Variants in SLCO2A1 observed in about 807,000 individuals in gnomAD.
SLCO2A1 encodes the protein matrin F/G 1.
SLCO2A1 carries 60 observed loss-of-function variants against 71.7 expected under a neutral mutation model. That is an observed-to-expected ratio of 0.84 (90% confidence interval 0.68 to 1.04). The LOEUF (loss-of-function observed/expected upper bound fraction) is 1.04. Ranked by LOEUF, SLCO2A1 falls within the 50% of genes least tolerant of loss-of-function variation. SLCO2A1 has a pLI of 0.00. For synonymous variants in SLCO2A1, 308 were observed against 326.7 expected (o/e 0.94, Z 0.62); for missense variants, 745 against 813.4 (o/e 0.92, Z 1.02).
At chr3:133,989,264 G>A (rs1281292476) in intron 1 of SLCO2A1, among the ~76,000 whole-genome samples, 3 of 152,204 alleles carry the variant, frequency 2.0e-5, no homozygotes, top group Non-Finnish European at 4.4e-5. Context: ...ACCCTGCGGA[G>A]TTCTTTCTTG....
chr3:133,985,330 C>T (rs1023662681), intron 1 of SLCO2A1, among the ~76,000 whole-genome samples: 1 of 152,190 alleles, frequency 6.6e-6, no homozygotes, highest in Non-Finnish European at 1.5e-5. Context: ...CCTTCCCATG[C>T]TTCTTTAACT....
chr3:133,936,586 C>T (rs561696039), intron 12 of SLCO2A1, among the ~76,000 whole-genome samples: 2 of 152,260 alleles, frequency 1.3e-5, no homozygotes, highest in South Asian at 4.1e-4. Context: ...CTGTGGGTAG[C>T]GTACCACTAG....
At chr3:133,935,471 A>G (rs761425225) in intron 13 of SLCO2A1, among the ~76,000 whole-genome samples, 10 of 152,160 alleles carry the variant, frequency 6.6e-5, no homozygotes, top group Non-Finnish European at 1.2e-4. Flanking sequence ...GGCTCCAGCC[A>G]TCCCCGCCCC....
intron 7 of SLCO2A1, 75 bp from the exon 8 acceptor site, chr3:133,948,775 A>C: frequency 6.3e-7 from 1 of 1,588,658 alleles, no homozygotes; most frequent in East Asian, 2.2e-5. Flanking sequence ...GGCCAGTTAC[A>C]GGCCCTCTGC....
chr3:133,996,294 C>T (rs575589052), intron 1 of SLCO2A1, among the ~76,000 whole-genome samples: 31 of 152,344 alleles, frequency 2.0e-4, no homozygotes, highest in African/African-American at 7.0e-4. Flanking sequence ...CACACTCGGC[C>T]TTTTCAAAGC....
intron 7 of SLCO2A1, 85 bp downstream of exon 7, chr3:133,948,808 C>A: frequency 6.3e-7 from 1 of 1,590,880 alleles, no homozygotes; most frequent in South Asian, 1.1e-5. Context: ...TTACCGCACA[C>A]AACACCACAG....
chr3:133,959,290 G>T (rs146031193), intron 3 of SLCO2A1, among the ~76,000 whole-genome samples: 55 of 151,952 alleles, frequency 3.6e-4, no homozygotes, highest in African/African-American at 1.3e-3. Flanking sequence ...AACAAACCCT[G>T]TGGTCCACTG....
chr3:133,962,425 A>G (rs1450121719), intron 3 of SLCO2A1, among the ~76,000 whole-genome samples: 1 of 149,900 alleles, frequency 6.7e-6, no homozygotes, highest in Non-Finnish European at 1.5e-5. Flanking sequence ...TTATAAAAAT[A>G]AGAGGACACA....
rs1933803445 is a variant in SLCO2A1, at chr3:133,953,657, A to G, written c.724+6T>C. The G allele has an allele frequency of 3.7e-6, 6 of 1,612,068 alleles. No homozygotes were observed. The South Asian group carries it at 5.5e-5, about 15-fold the overall frequency. ...ATGGGAATGGGTGTCCTCTGCACAT[A>G]CTCACCTGTGTTGACCCTGCCATAG... On this transcript the variant is annotated splice_donor_region_variant and intron_variant, in intron 5 of 13. Coordinates refer to ENST00000310926, the MANE Select transcript of SLCO2A1 (RefSeq NM_005630.3).
chr3:134,012,490 C>T (rs1031891208), intron 1 of SLCO2A1, among the ~76,000 whole-genome samples: 8 of 152,150 alleles, frequency 5.3e-5, no homozygotes, highest in Admixed American at 2.0e-4. Flanking sequence ...AGGATTCCTG[C>T]GTCTTTGAGC....
Position 133,942,602 on chromosome 3 carries a change from C to T in SLCO2A1, c.1625+3G>A, listed in dbSNP as rs1236751672. 1 of 1,603,210 alleles carries T rather than the reference C, an allele frequency of 6.2e-7. No homozygotes were observed. Among genetic ancestry groups the T allele is most frequent in the Non-Finnish European group, 8.5e-7 (1 of 1,174,422 alleles). On this transcript the variant is annotated splice_donor_region_variant and intron_variant, in intron 11 of 13. Coordinates refer to ENST00000310926, the MANE Select transcript of SLCO2A1 (RefSeq NM_005630.3). ...CCCAGACTCACAGAGGTTTGCCACTCACCGCAGAACCATCATGTAGAGGGG... is the reference window on the plus strand; with the variant it reads ...CCCAGACTCACAGAGGTTTGCCACTTACCGCAGAACCATCATGTAGAGGGG...
At chr3:134,029,595 A>C in intron 1 of SLCO2A1, 112 bp downstream of exon 1, 1 of 761,856 alleles carries the variant, frequency 1.3e-6, no homozygotes, top group Non-Finnish European at 2.1e-6. Flanking sequence ...GCGGCACAGG[A>C]GGGAGCCCGG....
chr3:133,951,943 A>G (rs1330340164), intron 5 of SLCO2A1, among the ~76,000 whole-genome samples: 1 of 152,190 alleles, frequency 6.6e-6, no homozygotes. Flanking sequence ...AGAAACAACC[A>G]TCAACTGTGT....
intron 1 of SLCO2A1, among the ~76,000 whole-genome samples, chr3:133,993,564 A>G (rs2108065794): frequency 6.6e-6 from 1 of 152,344 alleles, no homozygotes; most frequent in East Asian, 1.9e-4. Flanking sequence ...GTTTCCCAGA[A>G]AAAAAAACAC....
chr3:134,009,885 C>T (rs1935296804), intron 1 of SLCO2A1, among the ~76,000 whole-genome samples: 1 of 152,206 alleles, frequency 6.6e-6, no homozygotes, highest in Admixed American at 6.5e-5. Context: ...CAGAGAGCCC[C>T]AATTCCAGAT....
At chr3:133,963,847 T>C (rs1277993991) in intron 3 of SLCO2A1, among the ~76,000 whole-genome samples, 1 of 150,234 alleles carries the variant, frequency 6.7e-6, no homozygotes, top group Non-Finnish European at 1.5e-5. Context: ...TAAATTCAGC[T>C]ACTCTACAGT....
intron 1 of SLCO2A1, among the ~76,000 whole-genome samples, chr3:134,026,768 G>A (rs989239423): frequency 6.6e-6 from 1 of 152,210 alleles, no homozygotes; most frequent in African/African-American, 2.4e-5. Context: ...AGCAGCTGAA[G>A]GAGAGGTCTG....
chr3:133,954,116 G>C (rs1248890315), intron 4 of SLCO2A1, among the ~76,000 whole-genome samples: 2 of 150,536 alleles, frequency 1.3e-5, no homozygotes, highest in Admixed American at 1.3e-4. Context: ...TGTGTGGTCT[G>C]GAGTATAGGC....
chr3:133,960,951 G>A (rs1452172999), intron 3 of SLCO2A1, among the ~76,000 whole-genome samples: 5 of 151,944 alleles, frequency 3.3e-5, no homozygotes, highest in Admixed American at 2.0e-4. Flanking sequence ...GCTCAGATGC[G>A]GGGGTGGTAC....
Sources: gnomAD v4.1 joint callset for allele counts (sites outside exome capture counted in the v4.1 genomes callset) on GRCh38, gnomAD v4.1.1 for gene constraint, MANE v1.5 for transcripts, NCBI Gene and HGNC (gene_info 2026-07-23, HGNC 2026-07-21) for gene names.